The following ARHGAP10 variants were observed in gnomAD, a reference collection of about 807,000 sequenced individuals.
ARHGAP10 encodes the protein rho GTPase-activating protein 10.
A neutral mutation model predicts 108.6 loss-of-function variants in ARHGAP10; 87 were observed. That is an observed-to-expected ratio of 0.80 (90% CI 0.67 to 0.96). ARHGAP10 has a LOEUF of 0.96. ARHGAP10 is among the 40% of genes least tolerant of loss of function. ARHGAP10 has a pLI of 0.00. For missense variants in ARHGAP10, 939 were observed against 954.5 expected, an observed-to-expected ratio of 0.98 and a Z score of 0.21; for synonymous variants, 347 against 341.1, an observed-to-expected ratio of 1.02 and a Z score of -0.19.
At chr4:147,779,312 G>T (rs1455559912) in intron 1 of ARHGAP10, among the ~76,000 whole-genome samples, 1 of 152,184 alleles carries the variant, frequency 6.6e-6, no homozygotes. Context: ...GCACTGCGTT[G>T]TGACTTGTAT....
chr4:147,903,780 C>T (rs1290303260), intron 10 of ARHGAP10, among the ~76,000 whole-genome samples: 3 of 152,194 alleles, frequency 2.0e-5, no homozygotes, highest in Non-Finnish European at 4.4e-5. Flanking sequence ...TCTCATGGCT[C>T]AGTAGCTCAT....
chr4:147,980,581 A>G (rs1314936047), intron 18 of ARHGAP10, among the ~76,000 whole-genome samples: 2 of 152,002 alleles, frequency 1.3e-5, no homozygotes, highest in African/African-American at 2.4e-5. Flanking sequence ...TCCCTCCTCT[A>G]TTTTTTGGAA....
chr4:148,051,961 A>C (rs1729157453), intron 20 of ARHGAP10, among the ~76,000 whole-genome samples: 1 of 152,156 alleles, frequency 6.6e-6, no homozygotes, highest in Non-Finnish European at 1.5e-5. Flanking sequence ...TGGCATTTCA[A>C]ATTACTTGAC....
intron 8 of ARHGAP10, among the ~76,000 whole-genome samples, chr4:147,877,586 A>G (rs922867410): frequency 3.9e-5 from 6 of 152,182 alleles, no homozygotes; most frequent in African/African-American, 1.4e-4. Context: ...TTGACTCAGT[A>G]AAGTAAGAAA....
chr4:147,782,920 T>C (rs1320815404), intron 1 of ARHGAP10, among the ~76,000 whole-genome samples: 7 of 139,386 alleles, frequency 5.0e-5, no homozygotes, highest in Non-Finnish European at 7.8e-5. Flanking sequence ...AATATATAAA[T>C]TATATAATAT....
In ARHGAP10 at chr4:147,777,917, T is replaced by C. The variant is rs76611239; in HGVS notation, c.155-44810T>C. Among the ~76,000 whole-genome samples the C allele has an allele frequency of 1.6e-3, 244 of 152,304 alleles. 1 individual carries two copies. The highest frequency in any genetic ancestry group is 5.6e-3 in the African/African-American group (232 of 41,558). On this transcript the variant is annotated intron_variant, in intron 1 of 22. Coordinates refer to ENST00000336498, the MANE Select transcript of ARHGAP10 (RefSeq NM_024605.4). Reference sequence around the variant, plus strand: ...AGATGGGGAGATAAAACTTGAGGAATTGGAATCCTCATGCTAGAAAGGCAC... The same window carrying C: ...AGATGGGGAGATAAAACTTGAGGAACTGGAATCCTCATGCTAGAAAGGCAC...
chr4:147,897,357 C>T (rs2066308689), intron 10 of ARHGAP10, among the ~76,000 whole-genome samples: 1 of 151,914 alleles, frequency 6.6e-6, no homozygotes, highest in African/African-American at 2.4e-5. Context: ...CCTTCCTTGG[C>T]TTCCTAAAGT....
At chr4:148,039,105 T>C (rs77219098) in intron 19 of ARHGAP10, among the ~76,000 whole-genome samples, 1 of 152,274 alleles carries the variant, frequency 6.6e-6, no homozygotes, top group East Asian at 1.9e-4. Context: ...GGTTATGTTA[T>C]TTTCCTTTTC....
chr4:147,746,241 C>G (rs954318596), intron 1 of ARHGAP10, among the ~76,000 whole-genome samples: 33 of 151,234 alleles, frequency 2.2e-4, no homozygotes, highest in Admixed American at 4.0e-4. Context: ...GTAGCTGGGA[C>G]TACAGGCATG....
chr4:147,838,220 A>G (rs994095374), intron 3 of ARHGAP10, among the ~76,000 whole-genome samples: 2 of 152,172 alleles, frequency 1.3e-5, no homozygotes, highest in Non-Finnish European at 2.9e-5. Flanking sequence ...TTTGAGCTAT[A>G]GCACCTAAAA....
At chr4:147,783,305 T>C (rs1029438833) in intron 1 of ARHGAP10, among the ~76,000 whole-genome samples, 6 of 144,466 alleles carry the variant, frequency 4.2e-5, no homozygotes, top group African/African-American at 1.5e-4. Flanking sequence ...GTATAATTTA[T>C]ATAACACACA....
intron 8 of ARHGAP10, among the ~76,000 whole-genome samples, chr4:147,877,823 T>TA (rs1735137349): frequency 6.6e-6 from 1 of 151,146 alleles, no homozygotes; most frequent in Non-Finnish European, 1.5e-5. Context: ...TTCATACTTT[T>TA]TTTTTTTTTT....
At chr4:147,854,839 C>G (rs1268548086) in intron 4 of ARHGAP10, 1 of 985,264 alleles carries the variant, frequency 1.0e-6, no homozygotes, top group Non-Finnish European at 1.2e-6. Context: ...CTATTCTAAG[C>G]TTGGTGGGTG....
chr4:147,987,434 C>T (rs953022691), intron 18 of ARHGAP10, among the ~76,000 whole-genome samples: 2 of 152,096 alleles, frequency 1.3e-5, no homozygotes, highest in African/African-American at 4.8e-5. Context: ...TTACCTTTTT[C>T]TGGGTCCCTC....
rs577506943 is a variant in ARHGAP10, at chr4:147,947,902, A to C, written c.1391+1198A>C. ...TTATCCTGCTTCTTGAGTTATCAAC[A>C]TTCCATCCTTCTTAATTCATTAATC... On this transcript the variant is annotated intron_variant, in intron 15 of 22. Transcript: ENST00000336498. 4.5e-4 allele frequency among the ~76,000 whole-genome samples: 68 copies of C among 150,800 alleles called. 1 individual carries two copies. The highest frequency in any genetic ancestry group is 2.3e-3 in the South Asian group (11 of 4,790).
chr4:147,788,160 T>A (rs762838837), intron 1 of ARHGAP10, among the ~76,000 whole-genome samples: 3 of 151,984 alleles, frequency 2.0e-5, no homozygotes, highest in Non-Finnish European at 4.4e-5. Context: ...AAAGCGTTTC[T>A]GAAGGGCCAG....
intron 17 of ARHGAP10, among the ~76,000 whole-genome samples, chr4:147,965,533 CT>C (rs1415517090): frequency 2.0e-5 from 3 of 152,288 alleles, no homozygotes; most frequent in African/African-American, 7.2e-5. Context: ...TTTCCTCCTC[CT>C]TTTAAAAACC....
intron 3 of ARHGAP10, among the ~76,000 whole-genome samples, chr4:147,845,877 T>C (rs979294872): frequency 9.9e-5 from 15 of 152,176 alleles, no homozygotes; most frequent in African/African-American, 3.4e-4. Context: ...CCATATTATT[T>C]GGGGAGTCAG....
intron 20 of ARHGAP10, among the ~76,000 whole-genome samples, chr4:148,051,561 G>T (rs564196947): frequency 2.0e-5 from 3 of 152,160 alleles, no homozygotes; most frequent in Non-Finnish European, 4.4e-5. Flanking sequence ...AGATGGCATG[G>T]TCTCAGAATA....
Sources: gnomAD v4.1 joint callset for allele counts (sites outside exome capture counted in the v4.1 genomes callset) on GRCh38, gnomAD v4.1.1 for gene constraint, MANE v1.5 for transcripts, NCBI Gene and HGNC (gene_info 2026-07-23, HGNC 2026-07-21) for gene names.